The following HDAC9 variants were observed in gnomAD, a reference collection of about 807,000 sequenced individuals.
The protein encoded by HDAC9 is MEF-2 interacting transcription repressor (MITR) protein.
HDAC9 carries 41 observed loss-of-function variants against 139.4 expected under a neutral mutation model. The observed-to-expected ratio is 0.29, with a 90% CI of 0.23 to 0.38. HDAC9 has a LOEUF of 0.38. Among genes scored for constraint, HDAC9 ranks in the 10% least tolerant of loss-of-function variants. HDAC9 has a pLI of 1.00. For missense variants in HDAC9, 1,147 were observed against 1,297.0 expected, an observed-to-expected ratio of 0.88 and a Z score of 1.78; for synonymous variants, 517 against 476.2, an observed-to-expected ratio of 1.09 and a Z score of -1.12.
intron 22 of HDAC9, among the ~76,000 whole-genome samples, chr7:18,875,147 A>G (rs560775371): frequency 7.2e-4 from 109 of 152,262 alleles, no homozygotes; most frequent in Non-Finnish European, 1.5e-3. Context: ...TAGCAACTGG[A>G]CACCACATGA....
upstream of HDAC9, among the ~76,000 whole-genome samples, chr7:18,495,124 A>G (rs1464423120): frequency 6.6e-6 from 1 of 152,030 alleles, no homozygotes; most frequent in Admixed American, 6.6e-5. Flanking sequence ...TTGTTTTCCA[A>G]AAGTACCTCT....
At chr7:18,861,601 T>G (rs962570951) in intron 21 of HDAC9, among the ~76,000 whole-genome samples, 4 of 152,032 alleles carry the variant, frequency 2.6e-5, no homozygotes, top group African/African-American at 9.7e-5. Context: ...TTGAGAAAAA[T>G]TTCTCTCTCA....
At chr7:18,691,873 C>T (rs1043495488) in intron 12 of HDAC9, among the ~76,000 whole-genome samples, 1 of 151,964 alleles carries the variant, frequency 6.6e-6, no homozygotes, top group Non-Finnish European at 1.5e-5. Context: ...ATGACCTTGG[C>T]ATACCAGAGA....
At chr7:18,628,184 T>C (rs1370018370) in intron 6 of HDAC9, among the ~76,000 whole-genome samples, 3 of 152,140 alleles carry the variant, frequency 2.0e-5, no homozygotes, top group African/African-American at 7.2e-5. Context: ...TGATAATACA[T>C]AAGGAAAGCT....
intron 2 of HDAC9, among the ~76,000 whole-genome samples, chr7:18,279,723 C>T (rs968203649): frequency 6.6e-6 from 1 of 152,072 alleles, no homozygotes; most frequent in African/African-American, 2.4e-5. Context: ...CTCGACCCCC[C>T]AAAGTACTGG....
chr7:18,258,833 A>G (rs1240471257), intron 2 of HDAC9, among the ~76,000 whole-genome samples: 2 of 152,150 alleles, frequency 1.3e-5, no homozygotes, highest in Non-Finnish European at 2.9e-5. Context: ...TATTTTAGAC[A>G]ATGTAATAAT....
chr7:18,427,527 A>G (rs531223183), intron 1 of HDAC9, among the ~76,000 whole-genome samples: 3 of 151,760 alleles, frequency 2.0e-5, no homozygotes, highest in Admixed American at 6.6e-5. Context: ...TCCACAATCA[A>G]TCTATCTTTG....
chr7:18,195,354 C>T (rs1790649881), intron 2 of HDAC9, among the ~76,000 whole-genome samples: 1 of 152,096 alleles, frequency 6.6e-6, no homozygotes, highest in Non-Finnish European at 1.5e-5. Flanking sequence ...CCCCATATTA[C>T]CTATCACCTT....
Position 19,001,642 on chromosome 7 carries a change from C to T in HDAC9, c.*5580C>T, listed in dbSNP as rs1230887036. On this transcript the variant is annotated 3_prime_UTR_variant, in exon 26 of 26. Coordinates refer to ENST00000686413, the MANE Select transcript of HDAC9 (RefSeq NM_178425.4). ...AAGGGTTGTTTTTAGATAAAACTCC[C>T]GATTTGTTCTTCCTACACTTTAATA... 6 of 151,850 alleles carry T rather than the reference C, an allele frequency of 4.0e-5. No homozygotes were observed. The East Asian group carries it at 7.7e-4, about 19-fold the overall frequency. The allele number at this position is 151,850 out of a possible 1,614,324, so 9.4% of individuals were successfully genotyped here.
At chr7:18,667,416 A>T (rs1291854077) in intron 12 of HDAC9, 2 of 984,088 alleles carry the variant, frequency 2.0e-6, no homozygotes, top group African/African-American at 3.5e-5. Flanking sequence ...GTATAATTCC[A>T]TAATGACATG....
intron 8 of HDAC9, among the ~76,000 whole-genome samples, chr7:18,637,921 GA>G (rs201603408): frequency 2.3e-4 from 35 of 149,020 alleles, no homozygotes; most frequent in East Asian, 5.9e-4. Flanking sequence ...CTGGAGAAAA[GA>G]AAAAAAAAAT....
At chr7:18,466,021 C>G (rs1794244953) in intron 1 of HDAC9, among the ~76,000 whole-genome samples, 1 of 152,140 alleles carries the variant, frequency 6.6e-6, no homozygotes, top group Non-Finnish European at 1.5e-5. Context: ...ATTAGTGGGG[C>G]ACATTGGCTA....
intron 6 of HDAC9, among the ~76,000 whole-genome samples, chr7:18,597,049 G>C (rs1466811006): frequency 2.6e-5 from 4 of 152,034 alleles, no homozygotes. Context: ...AACCTCATTT[G>C]CCTGCAGAAA....
chr7:18,760,095 G>A (rs1178178), intron 14 of HDAC9, among the ~76,000 whole-genome samples: 22,671 of 152,050 alleles, frequency 0.15, 2,128 homozygotes, highest in East Asian at 0.42. Context: ...CAGCATATAC[G>A]ATGTTAGTGG....
chr7:18,573,981 C>T (rs1825169495), intron 2 of HDAC9, among the ~76,000 whole-genome samples: 1 of 152,308 alleles, frequency 6.6e-6, no homozygotes, highest in East Asian at 1.9e-4. Context: ...TCTTTTAGTC[C>T]CACCATTTGA....
chr7:18,848,420 G>A (rs1224769105), intron 21 of HDAC9, among the ~76,000 whole-genome samples: 1 of 152,026 alleles, frequency 6.6e-6, no homozygotes, highest in Non-Finnish European at 1.5e-5. Flanking sequence ...GGCAATTAGG[G>A]TTAGATGGAA....
At chr7:18,591,475 A>ATGTATG in intron 4 of HDAC9, 41 bp from the exon 5 acceptor site, 1 of 1,472,946 alleles carries the variant, frequency 6.8e-7, no homozygotes. Flanking sequence ...CTGTGTGTGT[A>ATGTATG]TGTGTGTGTG....
intron 1 of HDAC9, among the ~76,000 whole-genome samples, chr7:18,488,462 A>C (rs182914501): frequency 6.6e-6 from 1 of 152,046 alleles, no homozygotes; most frequent in Non-Finnish European, 1.5e-5. Context: ...AATGCTGTTT[A>C]TACGAAGTAT....
At chr7:18,526,984 TAA>T (rs2128227150) in intron 2 of HDAC9, among the ~76,000 whole-genome samples, 1 of 152,224 alleles carries the variant, frequency 6.6e-6, no homozygotes, top group African/African-American at 2.4e-5. Context: ...ATTATAACAA[TAA>T]AAGTCAGCAA....
Sources: allele counts gnomAD v4.1 joint callset (sites outside exome capture counted in the v4.1 genomes callset), GRCh38; gene constraint gnomAD v4.1.1; transcripts MANE v1.5; gene names NCBI Gene and HGNC (gene_info 2026-07-23, HGNC 2026-07-21).